The following GABRB2 variants were observed in gnomAD, a reference collection of about 807,000 sequenced individuals.
GABRB2 encodes the protein gamma-aminobutyric acid receptor subunit beta-2.
In GABRB2, 16 loss-of-function variants were observed where a neutral mutation model predicts 54.7. That is an observed-to-expected ratio of 0.29 (90% CI 0.20 to 0.44). The LOEUF (loss-of-function observed/expected upper bound fraction) is 0.44. Ranked by LOEUF, GABRB2 falls within the 20% of genes least tolerant of loss-of-function variation. GABRB2 has a pLI of 1.00. For synonymous variants in GABRB2, 244 were observed against 233.8 expected (o/e 1.04, Z -0.40); for missense variants, 355 against 644.0 (o/e 0.55, Z 4.86).
At chr5:161,336,880 T>A in intron 5 of GABRB2, 111 bp from the exon 6 acceptor site, 1 of 1,120,232 alleles carries the variant, frequency 8.9e-7, no homozygotes, top group Non-Finnish European at 1.2e-6. Flanking sequence ...ATAAATAATA[T>A]AAAGATATAG....
At chr5:161,398,511 T>G (rs1276191799) in intron 5 of GABRB2, among the ~76,000 whole-genome samples, 1 of 152,136 alleles carries the variant, frequency 6.6e-6, no homozygotes, top group Non-Finnish European at 1.5e-5. Flanking sequence ...AATGGTCCTG[T>G]GAAGTTACCA....
intron 3 of GABRB2, among the ~76,000 whole-genome samples, chr5:161,489,484 A>G (rs545287349): frequency 3.3e-5 from 5 of 151,744 alleles, no homozygotes; most frequent in Non-Finnish European, 5.9e-5. Context: ...CAAACAGAGT[A>G]GATAAATTTG....
intron 3 of GABRB2, among the ~76,000 whole-genome samples, chr5:161,542,694 T>A (rs1760857974): frequency 6.6e-6 from 1 of 152,204 alleles, no homozygotes; most frequent in Non-Finnish European, 1.5e-5. Flanking sequence ...AAAGACATGC[T>A]ATATCATAAG....
At chr5:161,401,257 G>A (rs1444225883) in intron 5 of GABRB2, among the ~76,000 whole-genome samples, 3 of 152,114 alleles carry the variant, frequency 2.0e-5, no homozygotes, top group African/African-American at 4.8e-5. Context: ...ATTTGATAAC[G>A]TTATGTATTA....
chr5:161,441,063 C>T (rs997885958), intron 4 of GABRB2, among the ~76,000 whole-genome samples: 5 of 152,108 alleles, frequency 3.3e-5, no homozygotes, highest in East Asian at 1.9e-4. Flanking sequence ...GCAAAGATTT[C>T]GTGAGCAGTA....
At chr5:161,439,278 G>T (rs1300497770) in intron 4 of GABRB2, among the ~76,000 whole-genome samples, 2 of 152,106 alleles carry the variant, frequency 1.3e-5, no homozygotes, top group Non-Finnish European at 2.9e-5. Context: ...ATAACTTTTA[G>T]GCTAAAATTG....
At chr5:161,500,736 C>A (rs1344006598) in intron 3 of GABRB2, among the ~76,000 whole-genome samples, 2 of 152,112 alleles carry the variant, frequency 1.3e-5, no homozygotes, top group Non-Finnish European at 2.9e-5. Context: ...AGATTTTATG[C>A]CACTGAAAGA....
chr5:161,485,809 G>GA (rs35255526), intron 3 of GABRB2, among the ~76,000 whole-genome samples: 2,406 of 151,908 alleles, frequency 0.016, 29 homozygotes, highest in East Asian at 0.024. Context: ...TAGCAATTTG[G>GA]AAAAAAATAA....
intron 3 of GABRB2, among the ~76,000 whole-genome samples, chr5:161,462,124 C>T (rs1324083986): frequency 6.6e-6 from 1 of 152,154 alleles, no homozygotes; most frequent in Non-Finnish European, 1.5e-5. Flanking sequence ...TCCAATTTTA[C>T]AATCAAACTT....
chr5:161,290,748 C>T lies in GABRB2; in HGVS notation c.*3333G>A, dbSNP rs1757216098. On this transcript the variant is annotated 3_prime_UTR_variant, in exon 10 of 10. Coordinates refer to ENST00000393959, the MANE Select transcript of GABRB2 (RefSeq NM_001371727.1). Reference sequence around the variant, plus strand: ...TGAAGGTAATCATTAAACTGGAACACGGTTACCTATAGAAAATGGAAATTA... The same window carrying T: ...TGAAGGTAATCATTAAACTGGAACATGGTTACCTATAGAAAATGGAAATTA... 6.6e-6 allele frequency: 1 copy of T among 152,460 alleles called. No homozygotes were observed. Among genetic ancestry groups the T allele is most frequent in the East Asian group, 1.9e-4 (1 of 5,188 alleles). The allele number at this position is 152,460 out of a possible 1,614,324, so 9.4% of individuals were successfully genotyped here.
intron 4 of GABRB2, among the ~76,000 whole-genome samples, chr5:161,458,581 G>A (rs889053381): frequency 1.3e-5 from 2 of 152,192 alleles, no homozygotes; most frequent in African/African-American, 4.8e-5. Context: ...ATGTGGAATT[G>A]GAGGCATCCT....
intron 5 of GABRB2, among the ~76,000 whole-genome samples, chr5:161,388,547 A>C (rs564960592): frequency 6.6e-6 from 1 of 152,196 alleles, no homozygotes; most frequent in East Asian, 1.9e-4. Flanking sequence ...AATATGTATT[A>C]GCATTAATAA....
chr5:161,526,695 C>T (rs1048481692), intron 3 of GABRB2, among the ~76,000 whole-genome samples: 1 of 150,990 alleles, frequency 6.6e-6, no homozygotes, highest in African/African-American at 2.4e-5. Flanking sequence ...GTTCATTTGG[C>T]CAAGAATCAA....
intron 9 of GABRB2, among the ~76,000 whole-genome samples, chr5:161,309,362 T>C (rs1012896697): frequency 6.6e-6 from 1 of 152,064 alleles, no homozygotes; most frequent in Non-Finnish European, 1.5e-5. Context: ...AAACAACAAA[T>C]GCTGATGAAG....
At chr5:161,426,683 G>T (rs376329465) in intron 4 of GABRB2, among the ~76,000 whole-genome samples, 1 of 151,814 alleles carries the variant, frequency 6.6e-6, no homozygotes, top group East Asian at 1.9e-4. Context: ...AAGAAACTGG[G>T]TCTCATTTTA....
intron 5 of GABRB2, among the ~76,000 whole-genome samples, chr5:161,388,209 T>C (rs1236423008): frequency 6.6e-6 from 1 of 152,150 alleles, no homozygotes; most frequent in Admixed American, 6.6e-5. Context: ...TCTATGGATG[T>C]CACATACATG....
chr5:161,343,253 A>G (rs1157072800), intron 5 of GABRB2, among the ~76,000 whole-genome samples: 1 of 151,874 alleles, frequency 6.6e-6, no homozygotes, highest in Admixed American at 6.6e-5. Context: ...CTAGACCTCA[A>G]GTAGCTCAAA....
chr5:161,466,348 T>C (rs1758275621), intron 3 of GABRB2, among the ~76,000 whole-genome samples: 1 of 152,070 alleles, frequency 6.6e-6, no homozygotes, highest in Non-Finnish European at 1.5e-5. Context: ...ACAAATATCT[T>C]TGGTAGATAT....
intron 5 of GABRB2, among the ~76,000 whole-genome samples, chr5:161,339,405 T>G (rs1754087161): frequency 6.6e-6 from 1 of 152,048 alleles, no homozygotes; most frequent in African/African-American, 2.4e-5. Context: ...AGCCTCTACT[T>G]CAGGGATACT....
Sources: gnomAD v4.1 joint callset for allele counts (sites outside exome capture counted in the v4.1 genomes callset) on GRCh38, gnomAD v4.1.1 for gene constraint, MANE v1.5 for transcripts, NCBI Gene and HGNC (gene_info 2026-07-23, HGNC 2026-07-21) for gene names.